NRG3: variants seen among roughly 807,000 people sequenced by gnomAD.
The protein encoded by NRG3 is neuregulin 3, also known as pro-neuregulin-3, membrane-bound isoform.
A neutral mutation model predicts 66.9 loss-of-function variants in NRG3; 31 were observed. The ratio of observed to expected loss-of-function variants is 0.46; its 90% CI spans 0.35 to 0.63. The LOEUF (loss-of-function observed/expected upper bound fraction) is 0.63. Among genes scored for constraint, NRG3 ranks in the 20% least tolerant of loss-of-function variants. The probability of loss-of-function intolerance (pLI) is 0.00; values close to 1 mark genes in which losing one functional copy is unlikely to be tolerated. For missense variants in NRG3, 910 were observed against 878.9 expected, an observed-to-expected ratio of 1.04 and a Z score of -0.45; for synonymous variants, 393 against 359.4, an observed-to-expected ratio of 1.09 and a Z score of -1.06.
chr10:82,503,009 T>C (rs1844344798), intron 2 of NRG3, among the ~76,000 whole-genome samples: 1 of 152,220 alleles, frequency 6.6e-6, no homozygotes, highest in African/African-American at 2.4e-5. Flanking sequence ...ACTAAATGAT[T>C]ATAAGGTATT....
intron 2 of NRG3, among the ~76,000 whole-genome samples, chr10:82,394,816 C>G (rs1453566941): frequency 6.6e-6 from 1 of 152,164 alleles, no homozygotes; most frequent in African/African-American, 2.4e-5. Context: ...CTGAGGTCCT[C>G]TCTCCCACAG....
chr10:82,668,811 C>T (rs2053006988), intron 2 of NRG3, among the ~76,000 whole-genome samples: 1 of 152,024 alleles, frequency 6.6e-6, no homozygotes, highest in Admixed American at 6.6e-5. Context: ...TATGCTTTCA[C>T]AAGTAGAAGG....
chr10:82,769,809 T>C (rs1165827770), intron 3 of NRG3, among the ~76,000 whole-genome samples: 1 of 152,110 alleles, frequency 6.6e-6, no homozygotes, highest in Non-Finnish European at 1.5e-5. Context: ...TATAACCAAA[T>C]ATAACATTTT....
chr10:82,959,244 G>A (rs1850375113), intron 6 of NRG3, among the ~76,000 whole-genome samples, 169 bp downstream of exon 6: 1 of 152,170 alleles, frequency 6.6e-6, no homozygotes, highest in Non-Finnish European at 1.5e-5. Flanking sequence ...ATGCATGTAT[G>A]TATGCATCAG....
rs182512664 is a variant in NRG3, at chr10:82,570,732, G to A, written c.954-167845G>A. On this transcript the variant is annotated intron_variant, in intron 2 of 8. Coordinates refer to ENST00000372141, the MANE Select transcript of NRG3 (RefSeq NM_001010848.4). ...GAAGCAGCAAATCTTCTCCCGGAAC[G>A]TGGTTTGATATATAGGGCTTGACAG... Among the ~76,000 whole-genome samples the A allele has an allele frequency of 4.6e-5, 7 of 151,738 alleles. No individual in the cohort carries two copies. In the East Asian group the frequency reaches 9.7e-4, roughly 21 times the overall value.
chr10:82,784,374 A>C (rs1232092048), intron 3 of NRG3, among the ~76,000 whole-genome samples: 60 of 150,872 alleles, frequency 4.0e-4, no homozygotes, highest in Non-Finnish European at 6.4e-4. Context: ...TAATTAAACT[A>C]AAGAGCTTCT....
chr10:82,297,409 G>A (rs1315656051), intron 1 of NRG3, among the ~76,000 whole-genome samples: 2 of 152,134 alleles, frequency 1.3e-5, no homozygotes, highest in Non-Finnish European at 1.5e-5. Context: ...GGAAGCTGAT[G>A]GTGAGGATCA....
At chr10:82,181,454 G>C (rs935061574) in intron 1 of NRG3, among the ~76,000 whole-genome samples, 21 of 151,684 alleles carry the variant, frequency 1.4e-4, no homozygotes, top group African/African-American at 4.6e-4. Flanking sequence ...AATTGGGTAT[G>C]CTGTGACTTA....
intron 3 of NRG3, among the ~76,000 whole-genome samples, chr10:82,777,917 G>A (rs2059968508): frequency 1.3e-5 from 2 of 152,210 alleles, no homozygotes; most frequent in Non-Finnish European, 2.9e-5. Flanking sequence ...TGCCCATGGA[G>A]GTGAGATGCC....
chr10:82,112,339 T>C (rs1235499056), intron 1 of NRG3, among the ~76,000 whole-genome samples: 1 of 152,112 alleles, frequency 6.6e-6, no homozygotes, highest in Non-Finnish European at 1.5e-5. Flanking sequence ...AGACCTAACA[T>C]AGGGGTCTTC....
chr10:82,165,853 C>T (rs968113327), intron 1 of NRG3, among the ~76,000 whole-genome samples: 2 of 151,876 alleles, frequency 1.3e-5, no homozygotes, highest in African/African-American at 2.4e-5. Context: ...TTCCAACAGA[C>T]TCAAATAAAT....
At chr10:82,007,305 G>C (rs890897551) in intron 1 of NRG3, among the ~76,000 whole-genome samples, 1 of 151,254 alleles carries the variant, frequency 6.6e-6, no homozygotes, top group Admixed American at 6.6e-5. Context: ...CACCTCCCAG[G>C]TTCAGGTGAT....
At chr10:82,540,233 T>TA (rs113656422) in intron 2 of NRG3, among the ~76,000 whole-genome samples, 4,318 of 145,806 alleles carry the variant, frequency 0.03, 129 homozygotes, top group African/African-American at 0.085. Context: ...ATGGGATTCT[T>TA]AAAAAAAAAA....
At chr10:82,449,619 A>G (rs2136553978) in intron 2 of NRG3, among the ~76,000 whole-genome samples, 1 of 152,280 alleles carries the variant, frequency 6.6e-6, no homozygotes, top group South Asian at 2.1e-4. Flanking sequence ...ATTTGTCTCT[A>G]CTAAGATGAA....
At chr10:82,861,099 C>T (rs535172663) in intron 3 of NRG3, among the ~76,000 whole-genome samples, 7 of 151,906 alleles carry the variant, frequency 4.6e-5, no homozygotes, top group African/African-American at 9.7e-5. Flanking sequence ...GTAATGATCA[C>T]GGTGTTTAAC....
intron 1 of NRG3, among the ~76,000 whole-genome samples, chr10:82,280,549 C>T (rs2079070931): frequency 6.6e-6 from 1 of 152,116 alleles, no homozygotes; most frequent in African/African-American, 2.4e-5. Context: ...TGAAGATGAC[C>T]AAACACACTC....
At position 82,482,373 on chromosome 10, in the gene NRG3, A is replaced by T. The variant is rs59383961; in HGVS notation, c.953+123505A>T. 4.3e-3 allele frequency among the ~76,000 whole-genome samples: 651 copies of T among 152,320 alleles called. 5 individuals are homozygous for T. Among genetic ancestry groups the T allele is most frequent in the African/African-American group, 0.015 (628 of 41,570 alleles). ...CCAAGACTGAACCCATCTACTGCAA[A>T]GACCTGTGTTCTGGGAACGCAAAGA... On this transcript the variant is annotated intron_variant, in intron 2 of 8. Coordinates refer to ENST00000372141, the MANE Select transcript of NRG3 (RefSeq NM_001010848.4).
intron 1 of NRG3, among the ~76,000 whole-genome samples, chr10:82,245,245 T>C (rs2077184271): frequency 6.6e-6 from 1 of 152,148 alleles, no homozygotes; most frequent in East Asian, 1.9e-4. Flanking sequence ...CCCTCGCATG[T>C]GTAGTTCACA....
At chr10:81,887,435 C>CT in intron 1 of NRG3, among the ~76,000 whole-genome samples, 1 of 152,220 alleles carries the variant, frequency 6.6e-6, no homozygotes, top group South Asian at 2.1e-4. Context: ...TATTAATCAA[C>CT]TATCTGATCT....
Sources: allele counts gnomAD v4.1 joint callset (sites outside exome capture counted in the v4.1 genomes callset), GRCh38; gene constraint gnomAD v4.1.1; transcripts MANE v1.5; gene names NCBI Gene and HGNC (gene_info 2026-07-23, HGNC 2026-07-21).